The following BBX variants were observed in gnomAD, a reference collection of about 807,000 sequenced individuals.
BBX encodes the protein HMG box transcription factor BBX.
BBX carries 30 observed loss-of-function variants against 100.2 expected under a neutral mutation model. The ratio of observed to expected loss-of-function variants is 0.30; its 90% CI spans 0.22 to 0.41. The LOEUF (loss-of-function observed/expected upper bound fraction) is 0.41. Among genes scored for constraint, BBX ranks in the 10% least tolerant of loss-of-function variants. The pLI is 1.00. For synonymous variants in BBX, 376 were observed against 388.1 expected, an observed-to-expected ratio of 0.97 and a Z score of 0.37; for missense variants, 1,023 against 1,129.8, an observed-to-expected ratio of 0.91 and a Z score of 1.35.
chr3:107,696,666 G>A (rs547306769), intron 3 of BBX, among the ~76,000 whole-genome samples: 1 of 151,856 alleles, frequency 6.6e-6, no homozygotes, highest in South Asian at 2.1e-4. Context: ...GAATCTGACA[G>A]TTGTGTATCT....
chr3:107,798,522 G>T lies in BBX; in HGVS notation c.2354-1G>T. On this transcript the variant is annotated splice_acceptor_variant, in intron 15 of 17. Transcript: ENST00000325805. LOFTEE classifies it high-confidence loss of function. ...ACTATGCATGGTATTTCCTATTTCA[G>T]CCATATTTTCAGAAGACAGAAACAC... 6.2e-7 allele frequency: 1 copy of T among 1,613,216 alleles called. No homozygotes were observed. The highest frequency in any genetic ancestry group is 8.5e-7 in the Non-Finnish European group (1 of 1,179,350).
intron 2 of BBX, among the ~76,000 whole-genome samples, chr3:107,575,646 T>G (rs1401912878): frequency 6.6e-6 from 1 of 150,884 alleles, no homozygotes; most frequent in Non-Finnish European, 1.5e-5. Flanking sequence ...AAGTATAGTT[T>G]CCATGGCTGA....
intron 2 of BBX, among the ~76,000 whole-genome samples, chr3:107,568,343 C>T (rs1461676121): frequency 6.7e-6 from 1 of 150,310 alleles, no homozygotes. Context: ...CGGCTCACTG[C>T]AACCTCCACC....
At chr3:107,778,608 T>A in intron 13 of BBX, 89 bp downstream of exon 13, 1 of 1,414,154 alleles carries the variant, frequency 7.1e-7, no homozygotes, top group Non-Finnish European at 9.6e-7. Context: ...GACATATCAT[T>A]GGATTTGGAA....
intron 10 of BBX, among the ~76,000 whole-genome samples, chr3:107,769,385 T>C (rs1236201007): frequency 1.3e-5 from 2 of 152,226 alleles, no homozygotes; most frequent in Admixed American, 1.3e-4. Flanking sequence ...TAGGATGTAC[T>C]GTTACCCCAT....
intron 2 of BBX, among the ~76,000 whole-genome samples, chr3:107,591,597 C>T (rs936473502): frequency 4.6e-5 from 7 of 152,244 alleles, no homozygotes; most frequent in African/African-American, 9.6e-5. Context: ...AACTGATCCT[C>T]CTGCCTCATA....
intron 12 of BBX, chr3:107,776,153 C>CTG (rs2067302646): frequency 6.6e-6 from 1 of 152,110 alleles, no homozygotes; most frequent in Non-Finnish European, 1.5e-5. Context: ...GGTCTGCTCA[C>CTG]TGAGAGAGGA....
intron 2 of BBX, among the ~76,000 whole-genome samples, chr3:107,538,231 C>A (rs2048632505): frequency 6.6e-6 from 1 of 152,124 alleles, no homozygotes; most frequent in African/African-American, 2.4e-5. Flanking sequence ...TACAGATAAT[C>A]TCTGCATGAG....
chr3:107,655,444 A>G (rs2058073494), intron 3 of BBX, among the ~76,000 whole-genome samples: 1 of 152,054 alleles, frequency 6.6e-6, no homozygotes, highest in Non-Finnish European at 1.5e-5. Flanking sequence ...TTTGAACAAA[A>G]CAAGGAGATA....
At chr3:107,600,083 G>C (rs770424264) in intron 2 of BBX, among the ~76,000 whole-genome samples, 3 of 152,152 alleles carry the variant, frequency 2.0e-5, no homozygotes, top group Non-Finnish European at 2.9e-5. Flanking sequence ...GAAAAATCTG[G>C]AGGAGCCACT....
At chr3:107,651,984 A>G (rs2057866367) in intron 3 of BBX, among the ~76,000 whole-genome samples, 1 of 152,196 alleles carries the variant, frequency 6.6e-6, no homozygotes, top group Non-Finnish European at 1.5e-5. Context: ...AGAAACAGAA[A>G]CTAAGAACCC....
chr3:107,784,322 A>G (rs1163143462), intron 13 of BBX, among the ~76,000 whole-genome samples: 2 of 152,028 alleles, frequency 1.3e-5, no homozygotes, highest in Non-Finnish European at 1.5e-5. Flanking sequence ...TAACAAACAT[A>G]TAGAACTCTC....
At chr3:107,603,964 G>A (rs2054246656) in intron 2 of BBX, among the ~76,000 whole-genome samples, 1 of 152,024 alleles carries the variant, frequency 6.6e-6, no homozygotes, top group Non-Finnish European at 1.5e-5. Flanking sequence ...TTGCCTTCTT[G>A]TGATACTGGC....
intron 4 of BBX, among the ~76,000 whole-genome samples, chr3:107,714,187 A>G (rs1428534651): frequency 2.6e-5 from 4 of 151,052 alleles, no homozygotes; most frequent in Non-Finnish European, 4.4e-5. Context: ...TGTTGGTCAA[A>G]CTGGTCTTGA....
At chr3:107,602,992 C>A (rs1311091892) in intron 2 of BBX, among the ~76,000 whole-genome samples, 1 of 152,140 alleles carries the variant, frequency 6.6e-6, no homozygotes, top group African/African-American at 2.4e-5. Flanking sequence ...GAGACGGAGT[C>A]TCGTTCTGTC....
At position 107,771,359 on chromosome 3, in the gene BBX, G is replaced by C. The variant is rs544553556; in HGVS notation, c.907-1269G>C. On this transcript the variant is annotated intron_variant, in intron 10 of 17. Coordinates refer to ENST00000325805, the MANE Select transcript of BBX (RefSeq NM_001142568.3). The stretch of plus-strand genomic sequence containing the variant: ...AGTTTCAAGGTATCTGGGAGCCAGA[G>C]AGGAAAATGGCAACTTTCCCCTTGA... Among the ~76,000 whole-genome samples, 3 of 152,210 alleles carry C rather than the reference G, an allele frequency of 2.0e-5. No individual in the cohort carries two copies. In the South Asian group the frequency reaches 6.2e-4, roughly 32 times the overall value.
At chr3:107,709,722 C>T (rs1272763307) in intron 3 of BBX, among the ~76,000 whole-genome samples, 2 of 152,166 alleles carry the variant, frequency 1.3e-5, no homozygotes, top group Non-Finnish European at 2.9e-5. Flanking sequence ...GGGCAAACCT[C>T]GTTTTATGCT....
intron 10 of BBX, among the ~76,000 whole-genome samples, chr3:107,759,984 C>T (rs896458982): frequency 2.0e-5 from 3 of 152,172 alleles, no homozygotes; most frequent in Non-Finnish European, 4.4e-5. Context: ...CATTTATTAT[C>T]TGCTGTGTGT....
At chr3:107,701,991 T>C (rs1033573637) in intron 3 of BBX, among the ~76,000 whole-genome samples, 1 of 152,198 alleles carries the variant, frequency 6.6e-6, no homozygotes. Flanking sequence ...GAATTTATAA[T>C]GGGCACGGTG....
Sources: allele counts gnomAD v4.1 joint callset (sites outside exome capture counted in the v4.1 genomes callset), GRCh38; gene constraint gnomAD v4.1.1; transcripts MANE v1.5; gene names NCBI Gene and HGNC (gene_info 2026-07-23, HGNC 2026-07-21).